Variants in AUTS2 observed in about 807,000 individuals in gnomAD.
AUTS2 encodes autism susceptibility gene 2 protein.
In AUTS2, 17 loss-of-function variants were observed where a neutral mutation model predicts 112.4. The ratio of observed to expected loss-of-function variants is 0.15; its 90% CI spans 0.10 to 0.23. The LOEUF is 0.23. Ranked by LOEUF, AUTS2 falls within the 10% of genes least tolerant of loss-of-function variation. The pLI is 1.00. For synonymous variants in AUTS2, 751 were observed against 702.7 expected, an observed-to-expected ratio of 1.07 and a Z score of -1.09; for missense variants, 1,510 against 1,701.6, an observed-to-expected ratio of 0.89 and a Z score of 1.98.
intron 1 of AUTS2, among the ~76,000 whole-genome samples, chr7:69,741,540 A>G (rs537876607): frequency 6.6e-6 from 1 of 152,150 alleles, no homozygotes; most frequent in East Asian, 1.9e-4. Flanking sequence ...CCCTGCCTCT[A>G]CTAAAAATAA....
chr7:69,744,311 G>A (rs993479557), intron 1 of AUTS2, among the ~76,000 whole-genome samples: 22 of 152,046 alleles, frequency 1.4e-4, no homozygotes, highest in Non-Finnish European at 1.5e-5. Flanking sequence ...CATCTATTTT[G>A]AGTAAATATC....
At chr7:70,578,956 C>T (rs1413858491) in intron 5 of AUTS2, among the ~76,000 whole-genome samples, 1 of 148,008 alleles carries the variant, frequency 6.8e-6, no homozygotes, top group African/African-American at 2.5e-5. Flanking sequence ...CAGAGTCTCC[C>T]TCCTTTGCCC....
At chr7:69,648,393 C>T (rs1311867190) in intron 1 of AUTS2, among the ~76,000 whole-genome samples, 1 of 151,716 alleles carries the variant, frequency 6.6e-6, no homozygotes, top group Non-Finnish European at 1.5e-5. Flanking sequence ...CATAGGTTCT[C>T]CTCTGAGGGG....
intron 5 of AUTS2, among the ~76,000 whole-genome samples, chr7:70,595,718 C>G (rs189812345): frequency 3.9e-5 from 6 of 152,364 alleles, no homozygotes; most frequent in Admixed American, 6.5e-5. Context: ...TCATTCAGAG[C>G]ATCTTCCGGC....
At chr7:69,915,844 A>G (rs1795556200) in intron 2 of AUTS2, among the ~76,000 whole-genome samples, 1 of 152,120 alleles carries the variant, frequency 6.6e-6, no homozygotes, top group African/African-American at 2.4e-5. Context: ...CTTCCACCTC[A>G]GCCTCCTGAG....
chr7:70,703,932 T>C (rs959651220), intron 6 of AUTS2, among the ~76,000 whole-genome samples: 1 of 152,194 alleles, frequency 6.6e-6, no homozygotes, highest in South Asian at 2.1e-4. Flanking sequence ...AAAGGAGTTA[T>C]GAGTAGTTCA....
intron 2 of AUTS2, among the ~76,000 whole-genome samples, chr7:69,990,877 CTGTT>C (rs1223174012): frequency 1.3e-5 from 2 of 152,068 alleles, no homozygotes; most frequent in Admixed American, 6.5e-5. Flanking sequence ...TGTTCAAAAA[CTGTT>C]TGGATTTTGG....
At chr7:70,178,411 T>A (rs2129580256) in intron 4 of AUTS2, among the ~76,000 whole-genome samples, 1 of 152,286 alleles carries the variant, frequency 6.6e-6, no homozygotes, top group African/African-American at 2.4e-5. Flanking sequence ...TCTGTTGAAA[T>A]AACAAGGATT....
At chr7:69,763,338 C>A (rs2129288930) in intron 1 of AUTS2, among the ~76,000 whole-genome samples, 1 of 152,250 alleles carries the variant, frequency 6.6e-6, no homozygotes, top group Admixed American at 6.5e-5. Context: ...CAAATGCATG[C>A]TGTGGGTAGA....
chr7:69,720,112 G>T (rs762604468), intron 1 of AUTS2, among the ~76,000 whole-genome samples: 1 of 152,118 alleles, frequency 6.6e-6, no homozygotes, highest in Non-Finnish European at 1.5e-5. Flanking sequence ...ATTTGGCATG[G>T]TAATGTGTGT....
chr7:70,001,776 T>C (rs1799207620), intron 2 of AUTS2, among the ~76,000 whole-genome samples: 1 of 150,990 alleles, frequency 6.6e-6, no homozygotes, highest in Non-Finnish European at 1.5e-5. Context: ...AGTGGCCTGA[T>C]CTCTGTTCAC....
intron 1 of AUTS2, among the ~76,000 whole-genome samples, chr7:69,730,925 G>T (rs1255397513): frequency 1.3e-5 from 2 of 152,282 alleles, no homozygotes; most frequent in East Asian, 3.9e-4. Context: ...TGAGTACTTG[G>T]TGAAGACTTT....
chr7:70,206,386 G>A (rs907128064), intron 4 of AUTS2, among the ~76,000 whole-genome samples: 3 of 151,724 alleles, frequency 2.0e-5, no homozygotes, highest in East Asian at 1.9e-4. Context: ...TTTTTTCCTA[G>A]CATTTTACTT....
intron 1 of AUTS2, among the ~76,000 whole-genome samples, chr7:69,605,253 A>G (rs1792649740): frequency 6.6e-6 from 1 of 152,228 alleles, no homozygotes; most frequent in African/African-American, 2.4e-5. Flanking sequence ...AACCAGGCAC[A>G]GAAGCTTGTA....
intron 4 of AUTS2, among the ~76,000 whole-genome samples, chr7:70,256,286 G>A (rs1208782458): frequency 1.3e-5 from 2 of 152,166 alleles, no homozygotes; most frequent in African/African-American, 4.8e-5. Context: ...CAGTGTGTTG[G>A]GTTAATAAAC....
chr7:70,462,436 A>G (rs1797004479), intron 5 of AUTS2, among the ~76,000 whole-genome samples: 1 of 152,188 alleles, frequency 6.6e-6, no homozygotes, highest in African/African-American at 2.4e-5. Flanking sequence ...TGGTGGGTAT[A>G]TAGGTATTCA....
intron 1 of AUTS2, among the ~76,000 whole-genome samples, chr7:69,718,388 C>A (rs958508533): frequency 3.2e-4 from 48 of 152,252 alleles, no homozygotes; most frequent in African/African-American, 1.1e-3. Flanking sequence ...GGGCTGTGTT[C>A]CTCGTGGAGG....
rs571810129 is a variant in AUTS2 at position 70,686,969 on chromosome 7, T to G, written c.691-11600T>G. Among the ~76,000 whole-genome samples the G allele has an allele frequency of 1.1e-4, 16 of 152,356 alleles. No individual in the cohort carries two copies. The South Asian group carries it at 3.1e-3, about 30-fold the overall frequency. ...AATCTGTCATCTCTGATGACTGACT[T>G]ACACATTGTGTTCTACGCCGATCCG... On this transcript the variant is annotated intron_variant, in intron 5 of 18. Coordinates refer to ENST00000342771, the MANE Select transcript of AUTS2 (RefSeq NM_015570.4).
intron 5 of AUTS2, among the ~76,000 whole-genome samples, chr7:70,606,453 G>A (rs924511131): frequency 7.9e-5 from 12 of 152,274 alleles, no homozygotes; most frequent in East Asian, 5.8e-4. Flanking sequence ...TACTGTGCAG[G>A]CACTTTGTTA....
Sources: allele counts gnomAD v4.1 joint callset (sites outside exome capture counted in the v4.1 genomes callset), GRCh38; gene constraint gnomAD v4.1.1; transcripts MANE v1.5; gene names NCBI Gene and HGNC (gene_info 2026-07-23, HGNC 2026-07-21).